The following UGT2B10 variants were observed in gnomAD, a reference collection of about 807,000 sequenced individuals.
The protein encoded by UGT2B10 is UDP glucuronosyltransferase family 2 member B10, also known as UDP-glucuronosyltransferase 2B10.
In UGT2B10, 51 loss-of-function variants were observed where a neutral mutation model predicts 43.7. The ratio of observed to expected loss-of-function variants is 1.17; its 90% confidence interval spans 0.93 to 1.47. UGT2B10 has a LOEUF of 1.47. Ranked by LOEUF, UGT2B10 falls within the 40% of genes most tolerant of loss-of-function variation. The pLI is 0.00. For synonymous variants in UGT2B10, 225 were observed against 209.0 expected (o/e 1.08, Z -0.66); for missense variants, 696 against 617.7 (o/e 1.13, Z -1.34).
intron 4 of UGT2B10, 123 bp from the exon 5 acceptor site, chr4:68,827,206 C>A (rs925151144): frequency 6.6e-7 from 1 of 1,506,218 alleles, no homozygotes; most frequent in East Asian, 2.3e-5. Flanking sequence ...CCTCTGAAAT[C>A]TGAAAAGTAA....
intron 2 of UGT2B10, among the ~76,000 whole-genome samples, chr4:68,818,635 C>T (rs10428371): frequency 0.02 from 3,100 of 151,648 alleles, 124 homozygotes; most frequent in African/African-American, 0.071. Context: ...AAACCCAATG[C>T]TAAGAAAGCA....
rs1421802681 is a variant in UGT2B10 at position 68,831,051 on chromosome 4, T to C, written c.*172T>C. On this transcript the variant is annotated 3_prime_UTR_variant, in exon 6 of 6. Coordinates refer to ENST00000265403, the MANE Select transcript of UGT2B10 (RefSeq NM_001075.6). Reference sequence around the variant, plus strand: ...TTTCAGAGATTTACCACCCAGTTAATGGTTAGAAATATTCTGTGGCAATGA... The same window carrying C: ...TTTCAGAGATTTACCACCCAGTTAACGGTTAGAAATATTCTGTGGCAATGA... The C allele has an allele frequency of 5.0e-6, 4 of 805,686 alleles. No individual in the cohort carries two copies. In the African/African-American group the frequency reaches 7.0e-5, roughly 14 times the overall value. 49.9% of individuals were successfully genotyped at this position (805,686 alleles called of 1,614,324 possible). A position where few individuals can be genotyped will look rare whatever the true frequency, so the allele number is the denominator to read the frequency against.
chr4:68,823,950 C>T (rs1216776766), intron 3 of UGT2B10, among the ~76,000 whole-genome samples: 1 of 152,166 alleles, frequency 6.6e-6, no homozygotes, highest in African/African-American at 2.4e-5. Context: ...AATTCTGCCC[C>T]TGTCATTTGA....
Position 68,816,013 on chromosome 4 carries a change from C to T in UGT2B10, c.-7C>T. The stretch of plus-strand genomic sequence containing the variant: ...TGACTGGAAAAGAATTATCACATTG[C>T]ACAAGGATGGCTCTGAAATGGACTA... On this transcript the variant is annotated 5_prime_UTR_variant, in exon 1 of 6. Transcript: ENST00000265403. 1 of 1,612,230 alleles carries T rather than the reference C, an allele frequency of 6.2e-7. No homozygotes were observed. The highest frequency in any genetic ancestry group is 8.5e-7 in the Non-Finnish European group (1 of 1,178,792).
Position 68,816,550 on chromosome 4 carries a change from C to T in UGT2B10, c.531C>T (p.Tyr177=), listed in dbSNP as rs777271044. 2 of 1,613,152 alleles carry T rather than the reference C, an allele frequency of 1.2e-6. No individual in the cohort carries two copies. Among genetic ancestry groups the T allele is most frequent in the Admixed American group, 3.3e-5 (2 of 59,918 alleles). Residue 177 remains tyrosine (Y), a synonymous_variant, in exon 1 of 6, where the codon TAC becomes TAT. Coordinates refer to ENST00000265403, the MANE Select transcript of UGT2B10 (RefSeq NM_001075.6). ...FVYSHSFSPG[Y]SFERHSGGFI... is the part of the protein sequence containing the mutation. ...ACAGTCACAGCTTCAGTCCTGGCTA[C>T]TCATTTGAAAGGCACAGTGGAGGAT...
chr4:68,821,750 A>T (rs1319716395), intron 2 of UGT2B10, among the ~76,000 whole-genome samples: 1 of 152,158 alleles, frequency 6.6e-6, no homozygotes, highest in Non-Finnish European at 1.5e-5. Context: ...GTAAATGTAG[A>T]TATAAAATTA....
chr4:68,819,132 A>G (rs1460136126), intron 2 of UGT2B10, among the ~76,000 whole-genome samples: 1 of 151,962 alleles, frequency 6.6e-6, no homozygotes, highest in African/African-American at 2.4e-5. Context: ...TTGTGTGGAA[A>G]AAAATATTAA....
chr4:68,820,605 T>C (rs1737444232), intron 2 of UGT2B10, among the ~76,000 whole-genome samples: 1 of 152,038 alleles, frequency 6.6e-6, no homozygotes, highest in Non-Finnish European at 1.5e-5. Context: ...TCAGCCATAA[T>C]ACACATACAG....
In UGT2B10 at chr4:68,823,342, C is replaced by T. The variant is rs148022597; in HGVS notation, c.999+940C>T. On this transcript the variant is annotated intron_variant, in intron 3 of 5. Coordinates refer to ENST00000265403, the MANE Select transcript of UGT2B10 (RefSeq NM_001075.6). ...ACGATATGGTGAAACCCTGTCTCTA[C>T]TAAAGATACAAAAAATTAGGCAGGA... 6.5e-3 allele frequency among the ~76,000 whole-genome samples: 993 copies of T among 152,064 alleles called. 18 individuals carry two copies. The highest frequency in any genetic ancestry group is 0.023 in the African/African-American group (947 of 41,548).
Position 68,831,830 on chromosome 4 carries a change from T to C in UGT2B10, c.*951T>C, listed in dbSNP as rs539600765. ...TAACTCTTGCAACCTGCATGTCCTCTTTATTATTGATCAATCCAACTGCAA... is the reference window on the plus strand; with the variant it reads ...TAACTCTTGCAACCTGCATGTCCTCCTTATTATTGATCAATCCAACTGCAA... On this transcript the variant is annotated 3_prime_UTR_variant, in exon 6 of 6. Coordinates refer to ENST00000265403, the MANE Select transcript of UGT2B10 (RefSeq NM_001075.6). Among the ~76,000 whole-genome samples the C allele has an allele frequency of 1.3e-5, 2 of 152,076 alleles. No homozygotes were observed. Among genetic ancestry groups the C allele is most frequent in the Admixed American group, 1.3e-4 (2 of 15,244 alleles).
intron 3 of UGT2B10, 110 bp downstream of exon 3, chr4:68,822,512 T>C (rs540683242): frequency 6.3e-7 from 1 of 1,583,780 alleles, no homozygotes; most frequent in African/African-American, 1.4e-5. Context: ...TATAGCTGAA[T>C]ACAACCTTAA....
chr4:68,824,959 C>T (rs1737695773), intron 3 of UGT2B10, among the ~76,000 whole-genome samples: 1 of 152,088 alleles, frequency 6.6e-6, no homozygotes, highest in South Asian at 2.1e-4. Context: ...AAAATTGTCA[C>T]TTGAAATTTT....
In UGT2B10 at chr4:68,831,844, A is replaced by T. The variant is rs1328057152; in HGVS notation, c.*965A>T. ...TGCATGTCCTCTTTATTATTGATCA[A>T]TCCAACTGCAAAGTTCACCTTACCT... On this transcript the variant is annotated 3_prime_UTR_variant, in exon 6 of 6. Transcript: ENST00000265403. 6.6e-6 allele frequency among the ~76,000 whole-genome samples: 1 copy of T among 152,036 alleles called. No individual in the cohort carries two copies. Among genetic ancestry groups the T allele is most frequent in the Admixed American group, 6.6e-5 (1 of 15,246 alleles).
chr4:68,829,501 A>C (rs938369689), intron 5 of UGT2B10, among the ~76,000 whole-genome samples: 16 of 152,062 alleles, frequency 1.1e-4, no homozygotes, highest in African/African-American at 3.9e-4. Flanking sequence ...GTATTTAAAT[A>C]TATATTTTAT....
intron 2 of UGT2B10, among the ~76,000 whole-genome samples, chr4:68,821,946 T>G (rs1737521326): frequency 1.0e-5 from 1 of 95,488 alleles, no homozygotes; most frequent in Non-Finnish European, 3.3e-5. Context: ...AATTATAGTA[T>G]TATAAGTGAA....
intron 2 of UGT2B10, among the ~76,000 whole-genome samples, chr4:68,821,958 A>C (rs202151341): frequency 6.6e-6 from 1 of 151,830 alleles, no homozygotes; most frequent in African/African-American, 2.4e-5. Context: ...ATAAGTGAAG[A>C]GTCTGGGTAT....
At position 68,830,658 on chromosome 4, in the gene UGT2B10, C is replaced by A. The variant is rs778753702; in HGVS notation, c.1366C>A (p.Leu456Met). The change falls in exon 6 of 6, where the codon CTG (leucine) becomes ATG (methionine). Residue 456 changes from leucine to methionine, a missense_variant. Physicochemically the swap from Leu to Met is conservative, Grantham distance 15. Coordinates refer to ENST00000265403, the MANE Select transcript of UGT2B10 (RefSeq NM_001075.6). ...RIQHDQPVKPLDRAVFWIEFV... is the reference protein window; with the variant it reads ...RIQHDQPVKPMDRAVFWIEFV... ...TCAACATGATCAACCAGTGAAGCCC[C>A]TGGATCGAGCAGTCTTCTGGATTGA... 2 of 1,613,162 alleles carry A rather than the reference C, an allele frequency of 1.2e-6. No individual in the cohort carries two copies. The highest frequency in any genetic ancestry group is 1.7e-6 in the Non-Finnish European group (2 of 1,179,464).
At position 68,829,064 on chromosome 4, in the gene UGT2B10, A is replaced by G. The variant is rs4116824; in HGVS notation, c.1307+1516A>G. On this transcript the variant is annotated intron_variant, in intron 5 of 5. Transcript: ENST00000265403. ...TAAATATATAAATCTAATGGTATAT[A>G]GAAGAGTGGTCATGACAGAATTATC... Among the ~76,000 whole-genome samples the G allele has an allele frequency of 2.0e-5, 3 of 152,026 alleles. No individual in the cohort carries two copies. The South Asian group carries it at 6.2e-4, about 31-fold the overall frequency.
Position 68,822,055 on chromosome 4 carries a change from C to T in UGT2B10, c.868-216C>T, listed in dbSNP as rs554001357. ...ACATACAGACACATACCTACATACA[C>T]ACACATATTTACACAAATATCCTTA... On this transcript the variant is annotated intron_variant, in intron 2 of 5. Coordinates refer to ENST00000265403, the MANE Select transcript of UGT2B10 (RefSeq NM_001075.6). Among the ~76,000 whole-genome samples, 9 of 152,248 alleles carry T rather than the reference C, an allele frequency of 5.9e-5. No individual in the cohort carries two copies. In the South Asian group the frequency reaches 1.0e-3, roughly 18 times the overall value.
Sources: gnomAD v4.1 joint callset for allele counts (sites outside exome capture counted in the v4.1 genomes callset) on GRCh38, gnomAD v4.1.1 for gene constraint, MANE v1.5 for transcripts, NCBI Gene and HGNC (gene_info 2026-07-23, HGNC 2026-07-21) for gene names.